Variants in HMCN1 observed in about 807,000 individuals in gnomAD.
The protein encoded by HMCN1 is hemicentin-1.
In HMCN1, 321 loss-of-function variants were observed where a neutral mutation model predicts 625.9. The observed-to-expected ratio is 0.51, with a 90% confidence interval of 0.47 to 0.56. The LOEUF (loss-of-function observed/expected upper bound fraction) is 0.56. Ranked by LOEUF, HMCN1 falls within the 20% of genes least tolerant of loss-of-function variation. HMCN1 has a pLI of 0.00. For synonymous variants in HMCN1, 2,425 were observed against 2,417.6 expected, an observed-to-expected ratio of 1.00 and a Z score of -0.09; for missense variants, 6,588 against 6,887.3, an observed-to-expected ratio of 0.96 and a Z score of 1.54.
chr1:185,885,419 TATG>T (rs1250637111), intron 4 of HMCN1, among the ~76,000 whole-genome samples: 1 of 152,002 alleles, frequency 6.6e-6, no homozygotes, highest in East Asian at 1.9e-4. Flanking sequence ...AACTGAATAA[TATG>T]ATCCAATTAT....
chr1:186,138,892 T>A lies in HMCN1; in HGVS notation c.13924+920T>A, dbSNP rs544830586. The stretch of plus-strand genomic sequence containing the variant: ...CATGCAAAGTGGAGGAGCTGTTCAT[T>A]TATTCATTCATTCATCCAACAAATA... On this transcript the variant is annotated intron_variant, in intron 89 of 106. Transcript: ENST00000271588. Among the ~76,000 whole-genome samples the A allele has an allele frequency of 1.9e-4, 29 of 152,280 alleles. No homozygotes were observed. In the South Asian group the frequency reaches 5.8e-3, roughly 31 times the overall value.
At chr1:186,185,463 T>C (rs542298168) in intron 105 of HMCN1, among the ~76,000 whole-genome samples, 3 of 152,336 alleles carry the variant, frequency 2.0e-5, no homozygotes, top group Non-Finnish European at 4.4e-5. Context: ...ACAGAGGCAG[T>C]AGGCAAGACT....
chr1:185,974,375 C>T (rs1330402280), intron 15 of HMCN1, among the ~76,000 whole-genome samples: 3 of 152,094 alleles, frequency 2.0e-5, no homozygotes, highest in African/African-American at 7.2e-5. Context: ...ATAAGATCAT[C>T]TCTTTTAACA....
chr1:185,969,477 G>A (rs1650650000), intron 14 of HMCN1, among the ~76,000 whole-genome samples: 1 of 152,098 alleles, frequency 6.6e-6, no homozygotes, highest in South Asian at 2.1e-4. Flanking sequence ...GTCTCCTAGA[G>A]AATTTTAGTA....
rs1165791685 is a variant in HMCN1 at position 185,965,823 on chromosome 1, T to A, written c.2120T>A (p.Val707Asp). The change falls in exon 14 of 107, where the codon GTT (valine) becomes GAT (aspartate). Residue 707 changes from valine to aspartate, a missense_variant. Val to Asp is a radical substitution (Grantham distance 152). This residue lies in a region of HMCN1 where 4,628 missense variants were observed against 4,853.1 expected (regional missense o/e 0.95). Coordinates refer to ENST00000271588, the MANE Select transcript of HMCN1 (RefSeq NM_031935.3). ...RYIEAPKLMV[V>D]QSELLVALGD... The stretch of plus-strand genomic sequence containing the variant: ...TCAGAAGCCCCTAAGTTGATGGTAG[T>A]TCAGAGTGAGCTCTTGGTTGCCCTT... 1.2e-6 allele frequency: 2 copies of A among 1,611,040 alleles called. No individual in the cohort carries two copies. Among genetic ancestry groups the A allele is most frequent in the Admixed American group, 1.7e-5 (1 of 59,982 alleles).
intron 57 of HMCN1, 100 bp from the exon 58 acceptor site, chr1:186,086,146 T>G: frequency 9.2e-7 from 1 of 1,086,948 alleles, no homozygotes; most frequent in East Asian, 2.4e-5. Context: ...AATCGTTAAC[T>G]CAGTCCTTTA....
chr1:186,153,916 CCT>C lies in HMCN1; in HGVS notation c.15188_15189del (p.Ser5063CysfsTer4). 6.2e-7 allele frequency: 1 copy of C among 1,614,108 alleles called. No homozygotes were observed. The highest frequency in any genetic ancestry group is 8.5e-7 in the Non-Finnish European group (1 of 1,179,994). On this transcript the variant is annotated frameshift_variant, in exon 97 of 107. Coordinates refer to ENST00000271588, the MANE Select transcript of HMCN1 (RefSeq NM_031935.3). LOFTEE classifies it high-confidence loss of function. ...TTCTTGGTTGAAACACTTCATGCAT[CCT>C]CTGTGGAATCTGACTATAACCAGAT...
chr1:186,046,256 G>T (rs1305896145), intron 41 of HMCN1, among the ~76,000 whole-genome samples: 1 of 152,098 alleles, frequency 6.6e-6, no homozygotes. Context: ...ACCACTTGAG[G>T]TCAGGAGTTC....
chr1:186,146,038 A>T (rs1319363946), intron 93 of HMCN1, 115 bp downstream of exon 93: 11 of 1,106,916 alleles, frequency 9.9e-6, no homozygotes, highest in South Asian at 5.4e-5. Flanking sequence ...AGAAAAAAAA[A>T]AAAAAGTGCT....
Position 185,922,406 on chromosome 1 carries a change from C to T in HMCN1, c.928C>T (p.Arg310Cys), listed in dbSNP as rs746256161. 2.2e-5 allele frequency: 35 copies of T among 1,613,410 alleles called. No individual in the cohort carries two copies. The highest frequency in any genetic ancestry group is 2.6e-5 in the Non-Finnish European group (31 of 1,179,780). Residue 310 changes from arginine (R) to cysteine (C), a missense_variant, in exon 7 of 107, where the codon CGC (arginine) becomes TGC (cysteine). By Grantham distance (180) the Arg-to-Cys change is radical. Around this residue, in one of 3 missense-constraint regions of HMCN1, gnomAD observed 4,628 missense variants for 4,853.1 expected, o/e 0.95. Coordinates refer to ENST00000271588, the MANE Select transcript of HMCN1 (RefSeq NM_031935.3). Reference protein sequence around the residue: ...KTSSSGRHSVRITGLSTIDFR... With the variant: ...KTSSSGRHSVCITGLSTIDFR... ...CTCAAGCAGTGGAAGGCACTCTGTT[C>T]GCATTACTGGCCTCAGTACTATTGA...
At chr1:186,100,719 G>A (rs1660346001) in intron 68 of HMCN1, among the ~76,000 whole-genome samples, 2 of 152,288 alleles carry the variant, frequency 1.3e-5, no homozygotes, top group East Asian at 3.9e-4. Context: ...TTACAGAGTT[G>A]AAATATGGTG....
intron 1 of HMCN1, among the ~76,000 whole-genome samples, chr1:185,779,196 TG>T (rs1257839420): frequency 6.6e-6 from 1 of 152,226 alleles, no homozygotes; most frequent in African/African-American, 2.4e-5. Context: ...TGGGGTTGTT[TG>T]TTTTTTTCTT....
chr1:185,848,315 G>C (rs1661961436), intron 2 of HMCN1, among the ~76,000 whole-genome samples: 1 of 152,012 alleles, frequency 6.6e-6, no homozygotes, highest in Non-Finnish European at 1.5e-5. Context: ...TCATCATACT[G>C]AATAGACATC....
In HMCN1 at chr1:186,065,282, C is replaced by A; in HGVS notation, c.7558C>A (p.Leu2520Ile). The A allele has an allele frequency of 1.9e-6, 3 of 1,612,638 alleles. No homozygotes were observed. Among genetic ancestry groups the A allele is most frequent in the Non-Finnish European group, 2.5e-6 (3 of 1,179,812 alleles). ...EITWHKDGQPLQEDEAHHIIS... is the reference protein window; with the variant it reads ...EITWHKDGQPIQEDEAHHIIS... ...TACATGGCACAAAGATGGGCAGCCCCTCCAAGAAGATGAAGCCCATCACAT... is the reference window on the plus strand; with the variant it reads ...TACATGGCACAAAGATGGGCAGCCCATCCAAGAAGATGAAGCCCATCACAT... The change falls in exon 49 of 107, where the codon CTC (leucine) becomes ATC (isoleucine). Residue 2520 changes from leucine (L) to isoleucine (I), a missense_variant. This residue lies in a region of HMCN1 where 4,628 missense variants were observed against 4,853.1 expected (regional missense o/e 0.95). Transcript: ENST00000271588.
At chr1:186,016,889 A>T in intron 32 of HMCN1, 74 bp from the exon 33 acceptor site, 2 of 833,064 alleles carry the variant, frequency 2.4e-6, no homozygotes, top group South Asian at 1.3e-5. Flanking sequence ...ACTGCTATGT[A>T]TTATTGCTTC....
intron 1 of HMCN1, among the ~76,000 whole-genome samples, chr1:185,838,236 C>T (rs1383386150): frequency 6.6e-6 from 1 of 152,134 alleles, no homozygotes; most frequent in Non-Finnish European, 1.5e-5. Flanking sequence ...TTCCATGGGC[C>T]AGCCACCACA....
Position 186,012,390 on chromosome 1 carries a change from T to G in HMCN1, c.4631-2769T>G, listed in dbSNP as rs192932356. Among the ~76,000 whole-genome samples the G allele has an allele frequency of 1.2e-3, 185 of 151,834 alleles. 1 individual carries two copies. Among genetic ancestry groups the G allele is most frequent in the African/African-American group, 3.9e-3 (160 of 41,442 alleles). On this transcript the variant is annotated intron_variant, in intron 30 of 106. Transcript: ENST00000271588. The stretch of plus-strand genomic sequence containing the variant: ...GGCTCTAAGAGGCTAATCCTTCAGG[T>G]TTTTTTTGGTATTTTTTTTTTGTAC...
intron 1 of HMCN1, among the ~76,000 whole-genome samples, chr1:185,838,607 G>A (rs540361397): frequency 1.3e-5 from 2 of 152,206 alleles, no homozygotes; most frequent in South Asian, 4.1e-4. Context: ...CATGAGCCAA[G>A]GTCAATCATC....
intron 35 of HMCN1, 72 bp downstream of exon 35, chr1:186,019,767 T>C: frequency 1.5e-6 from 2 of 1,304,612 alleles, no homozygotes; most frequent in Non-Finnish European, 2.2e-6. Flanking sequence ...AAGTTATTCT[T>C]TCTTAACTGT....
Sources: gnomAD v4.1 joint callset for allele counts (sites outside exome capture counted in the v4.1 genomes callset) on GRCh38, gnomAD v4.1.1 for gene constraint, gnomAD v4.1.1 regional missense constraint, MANE v1.5 for transcripts, NCBI Gene and HGNC (gene_info 2026-07-23, HGNC 2026-07-21) for gene names.